Variants in PXMP4 observed in about 807,000 individuals in gnomAD.
PXMP4 encodes peroxisomal membrane protein 4, also known as 24 kDa peroxisomal intrinsic membrane protein.
A neutral mutation model predicts 21.6 loss-of-function variants in PXMP4; 16 were observed. That is an observed-to-expected ratio of 0.74 (90% CI 0.50 to 1.13). The LOEUF is 1.13. Among genes scored for constraint, PXMP4 ranks in the 50% most tolerant of loss-of-function variants. PXMP4 has a pLI of 0.00. For missense variants in PXMP4, 240 were observed against 277.7 expected (o/e 0.86, Z 0.96); for synonymous variants, 127 against 123.8 (o/e 1.03, Z -0.17).
At chr20:33,710,313 A>C (rs2018311761) in intron 3 of PXMP4, among the ~76,000 whole-genome samples, 2 of 120,916 alleles carry the variant, frequency 1.7e-5, no homozygotes, top group East Asian at 2.6e-4. Flanking sequence ...CTCTTCTCCT[A>C]CTCCTACCTC....
At chr20:33,715,871 T>G (rs1377593311) in intron 1 of PXMP4, among the ~76,000 whole-genome samples, 1 of 144,660 alleles carries the variant, frequency 6.9e-6, no homozygotes, top group African/African-American at 2.6e-5. Flanking sequence ...TGAGACGAAG[T>G]TTTGTTCTTG....
chr20:33,707,406 CCCT>C lies in PXMP4; in HGVS notation c.*297_*299del. The C allele has an allele frequency of 3.0e-6, 1 of 338,924 alleles. No individual in the cohort carries two copies. The allele number at this position is 338,924 out of a possible 1,614,324, so 21.0% of individuals were successfully genotyped here. ...TACCCACCGGAAAGAGACCTCAGGG[CCCT>C]CCTCTGAGCTCCTTGACCCCTGAGG... On this transcript the variant is annotated 3_prime_UTR_variant, in exon 4 of 4. Transcript: ENST00000409299.
In PXMP4 at chr20:33,720,212, C is replaced by A; in HGVS notation, c.-5G>T. 1.9e-6 allele frequency: 3 copies of A among 1,606,670 alleles called. No homozygotes were observed. In the South Asian group the frequency reaches 3.3e-5, roughly 18 times the overall value. ...TAGCTGCGGCGGGGCTGCCATAGTG[C>A]GGGCTGCGCGCAGGGTCGGGGTTAG... On this transcript the variant is annotated 5_prime_UTR_variant, in exon 1 of 4. Coordinates refer to ENST00000409299, the MANE Select transcript of PXMP4 (RefSeq NM_007238.5).
intron 2 of PXMP4, among the ~76,000 whole-genome samples, chr20:33,713,377 TTCAAG>T (rs1202161457): frequency 1.3e-5 from 2 of 152,222 alleles, no homozygotes; most frequent in African/African-American, 2.4e-5. Flanking sequence ...CTCTGTCTCC[TTCAAG>T]TCTTTACTCC....
In PXMP4 at chr20:33,707,748, G is replaced by T; in HGVS notation, c.597C>A (p.Ile199=). 1 of 1,614,160 alleles carries T rather than the reference G, an allele frequency of 6.2e-7. No individual in the cohort carries two copies. Among genetic ancestry groups the T allele is most frequent in the African/African-American group, 1.3e-5 (1 of 75,040 alleles). Residue 199 remains isoleucine (I), a synonymous_variant, in exon 4 of 4, where the codon ATC becomes ATA. Coordinates refer to ENST00000409299, the MANE Select transcript of PXMP4 (RefSeq NM_007238.5). Reference sequence around the variant, plus strand: ...TCTTGTTATAGACGAGGAAGTCTGAGATGTCGTGCCATACATTGCTGTCCT... The same window carrying T: ...TCTTGTTATAGACGAGGAAGTCTGATATGTCGTGCCATACATTGCTGTCCT... ...LYEDSNVWHD[I]SDFLVYNKSR... is the part of the protein sequence containing the mutation.
chr20:33,716,825 C>T (rs776817667), intron 1 of PXMP4, among the ~76,000 whole-genome samples: 2 of 152,174 alleles, frequency 1.3e-5, no homozygotes, highest in Admixed American at 6.5e-5. Flanking sequence ...TTCCCTAAAA[C>T]AGCTGTTAGG....
chr20:33,711,608 C>G (rs1036557940), intron 2 of PXMP4, among the ~76,000 whole-genome samples: 1 of 152,106 alleles, frequency 6.6e-6, no homozygotes, highest in African/African-American at 2.4e-5. Context: ...GTGGCTCACA[C>G]CTATAACCCC....
Position 33,705,030 on chromosome 20 carries a change from C to A in PXMP4, c.*2676G>T, listed in dbSNP as rs2122574796. On this transcript the variant is annotated 3_prime_UTR_variant, in exon 4 of 4. Transcript: ENST00000409299. Reference sequence around the variant, plus strand: ...TTTTTTTTTGAGACAGAGTCTTACTCTGTCACCCAGGCTGAAGTGTAATGG... The same window carrying A: ...TTTTTTTTTGAGACAGAGTCTTACTATGTCACCCAGGCTGAAGTGTAATGG... 1 of 129,180 alleles carries A rather than the reference C, an allele frequency of 7.7e-6. No individual in the cohort carries two copies. The highest frequency in any genetic ancestry group is 1.6e-5 in the Non-Finnish European group (1 of 64,122). The allele number at this position is 129,180 out of a possible 1,614,324, so 8.0% of individuals were successfully genotyped here.
At chr20:33,708,058 T>A in intron 3 of PXMP4, 89 bp from the exon 4 acceptor site, 9 of 1,421,900 alleles carry the variant, frequency 6.3e-6, no homozygotes, top group Non-Finnish European at 7.5e-6. Context: ...TCATTTCTCT[T>A]TTTTTCTTAG....
intron 1 of PXMP4, among the ~76,000 whole-genome samples, chr20:33,716,485 CAGCCTAGGTT>C (rs1433851881): frequency 6.6e-6 from 1 of 152,226 alleles, no homozygotes; most frequent in Non-Finnish European, 1.5e-5. Flanking sequence ...CCTGATGCTC[CAGCCTAGGTT>C]TGAGCAATTT....
chr20:33,708,560 T>C (rs983658784), intron 3 of PXMP4, among the ~76,000 whole-genome samples: 1 of 151,936 alleles, frequency 6.6e-6, no homozygotes, highest in African/African-American at 2.4e-5. Context: ...AAAAAAACTT[T>C]AGAGATAGGG....
In PXMP4 at chr20:33,720,100, C is replaced by T. The variant is rs1371458204; in HGVS notation, c.108G>A (p.Gly36=). Residue 36 remains glycine (G), a synonymous_variant, in exon 1 of 4, where the codon GGG becomes GGA. Transcript: ENST00000409299. ...GGCCCGACGGCCCCACTCACACAGC[C>T]CCGTTCCGGAAGCCCTTAAGCACGG... ...ALAVLKGFRN[G]AVYGAKIRAP... 16 of 1,613,478 alleles carry T rather than the reference C, an allele frequency of 9.9e-6. No individual in the cohort carries two copies. Among genetic ancestry groups the T allele is most frequent in the African/African-American group, 1.3e-5 (1 of 74,936 alleles).
chr20:33,720,178 C>T lies in PXMP4; in HGVS notation c.30G>A (p.Leu10=), dbSNP rs1568923604. MAAPPQLRA[L]LVVVNALLRK... The stretch of plus-strand genomic sequence containing the variant: ...GCAGCAGTGCGTTGACGACTACGAG[C>T]AGAGCCCTTAGCTGCGGCGGGGCTG... Residue 10 remains leucine, a synonymous_variant, in exon 1 of 4, where the codon CTG becomes CTA. Coordinates refer to ENST00000409299, the MANE Select transcript of PXMP4 (RefSeq NM_007238.5). 2 of 1,613,232 alleles carry T rather than the reference C, an allele frequency of 1.2e-6. No homozygotes were observed. Among genetic ancestry groups the T allele is most frequent in the East Asian group, 4.5e-5 (2 of 44,882 alleles).
chr20:33,719,842 A>G lies in PXMP4; in HGVS notation c.113+253T>C, dbSNP rs2018427757. Among the ~76,000 whole-genome samples, 6 of 152,202 alleles carry G rather than the reference A, an allele frequency of 3.9e-5. No individual in the cohort carries two copies. The South Asian group carries it at 1.2e-3, about 32-fold the overall frequency. ...GGGATACAGAAGCTGGCATGGGAGG[A>G]GTCAAAGCAAGAGGGCCAGGCTGCA... On this transcript the variant is annotated intron_variant, in intron 1 of 3. Coordinates refer to ENST00000409299, the MANE Select transcript of PXMP4 (RefSeq NM_007238.5).
intron 1 of PXMP4, among the ~76,000 whole-genome samples, chr20:33,717,411 C>T (rs1020063083): frequency 1.3e-5 from 2 of 151,374 alleles, no homozygotes; most frequent in East Asian, 1.9e-4. Flanking sequence ...GAGGCCGAGG[C>T]GGGCGGATCA....
intron 3 of PXMP4, among the ~76,000 whole-genome samples, chr20:33,710,179 C>CT (rs1269682592): frequency 2.1e-5 from 3 of 141,304 alleles, no homozygotes; most frequent in African/African-American, 8.0e-5. Context: ...ACTCCTACCT[C>CT]TATACAGAAC....
At chr20:33,714,026 G>T (rs1278553942) in intron 2 of PXMP4, among the ~76,000 whole-genome samples, 1 of 152,146 alleles carries the variant, frequency 6.6e-6, no homozygotes, top group Non-Finnish European at 1.5e-5. Flanking sequence ...GGCACTCCTG[G>T]CGGGGGTGCT....
At position 33,705,289 on chromosome 20, in the gene PXMP4, C is replaced by T. The variant is rs1463674475; in HGVS notation, c.*2417G>A. The T allele has an allele frequency of 3.3e-5, 5 of 149,948 alleles. No homozygotes were observed. The highest frequency in any genetic ancestry group is 2.2e-4 in the South Asian group (1 of 4,462). The allele number at this position is 149,948 out of a possible 1,614,324, so 9.3% of individuals were successfully genotyped here. On this transcript the variant is annotated 3_prime_UTR_variant, in exon 4 of 4. Coordinates refer to ENST00000409299, the MANE Select transcript of PXMP4 (RefSeq NM_007238.5). ...ACAGGTGCAAGCCACCGTGCCTGGT[C>T]TAGGATCGTGGTTTCGAAAAAAGCA...
chr20:33,717,571 C>T (rs1180841291), intron 1 of PXMP4, among the ~76,000 whole-genome samples: 2 of 135,546 alleles, frequency 1.5e-5, no homozygotes, highest in East Asian at 2.4e-4. Context: ...ACCCGGGAGG[C>T]GGAGCTTGCA....
Sources: gnomAD v4.1 joint callset for allele counts (sites outside exome capture counted in the v4.1 genomes callset) on GRCh38, gnomAD v4.1.1 for gene constraint, MANE v1.5 for transcripts, NCBI Gene and HGNC (gene_info 2026-07-23, HGNC 2026-07-21) for gene names.